The following PSD3 variants were observed in gnomAD, a reference collection of about 807,000 sequenced individuals.
The protein encoded by PSD3 is pleckstrin and Sec7 domain containing 3.
Under a neutral mutation model 105.5 loss-of-function variants are expected in PSD3, and 49 were observed. That is an observed-to-expected ratio of 0.46 (90% CI 0.37 to 0.59). PSD3 has a LOEUF of 0.59. Among genes scored for constraint, PSD3 ranks in the 20% least tolerant of loss-of-function variants. The pLI is 0.00. For synonymous variants in PSD3, 557 were observed against 457.8 expected, an observed-to-expected ratio of 1.22 and a Z score of -2.77; for missense variants, 1,561 against 1,263.8, an observed-to-expected ratio of 1.24 and a Z score of -3.57.
intron 9 of PSD3, among the ~76,000 whole-genome samples, chr8:18,752,528 A>ATATAT (rs1428157892): frequency 2.0e-5 from 1 of 49,408 alleles, no homozygotes; most frequent in African/African-American, 1.0e-4. Flanking sequence ...TAATATATAT[A>ATATAT]ATTATATATT....
intron 9 of PSD3, among the ~76,000 whole-genome samples, chr8:18,756,070 A>G (rs1031745722): frequency 1.3e-5 from 2 of 152,160 alleles, no homozygotes; most frequent in Non-Finnish European, 2.9e-5. Context: ...AAAAGCTTGC[A>G]AACCTAGCTT....
chr8:18,582,032 G>A (rs1327068576), intron 12 of PSD3, among the ~76,000 whole-genome samples: 1 of 152,022 alleles, frequency 6.6e-6, no homozygotes, highest in Non-Finnish European at 1.5e-5. Flanking sequence ...ACAAAGATAA[G>A]GACTTACTTT....
At chr8:18,923,978 G>T (rs1821199885) in intron 2 of PSD3, among the ~76,000 whole-genome samples, 1 of 149,622 alleles carries the variant, frequency 6.7e-6, no homozygotes, top group Non-Finnish European at 1.5e-5. Flanking sequence ...CAAAAACACT[G>T]AACAGACAGT....
Position 18,779,631 on chromosome 8 carries a change from T to C in PSD3, c.2083-14093A>G, listed in dbSNP as rs546754007. On this transcript the variant is annotated intron_variant, in intron 8 of 15. Transcript: ENST00000327040. ...TTGCTGTATCCCACATATTTTGATATGTTGTGTTCCCATTTTGATTTGTTT... is the reference window on the plus strand; with the variant it reads ...TTGCTGTATCCCACATATTTTGATACGTTGTGTTCCCATTTTGATTTGTTT... 2.6e-5 allele frequency among the ~76,000 whole-genome samples: 4 copies of C among 152,332 alleles called. No individual in the cohort carries two copies. In the South Asian group the frequency reaches 6.2e-4, roughly 24 times the overall value.
chr8:18,528,608 G>A lies in PSD3; in HGVS notation c.*7135C>T, dbSNP rs1177206453. 6.6e-6 allele frequency: 1 copy of A among 152,376 alleles called. No homozygotes were observed. Among genetic ancestry groups the A allele is most frequent in the African/African-American group, 2.4e-5 (1 of 41,458 alleles). The allele number at this position is 152,376 out of a possible 1,614,324, so 9.4% of individuals were successfully genotyped here. ...GCCGGGGGAGAGGTTCCTCTTTGCA[G>A]AGATGATGTGTTATCACCACTCTCT... On this transcript the variant is annotated 3_prime_UTR_variant, in exon 16 of 16. Coordinates refer to ENST00000327040, the MANE Select transcript of PSD3 (RefSeq NM_015310.4).
chr8:18,682,662 G>C (rs1184501164), intron 9 of PSD3, among the ~76,000 whole-genome samples: 1 of 152,162 alleles, frequency 6.6e-6, no homozygotes, highest in Non-Finnish European at 1.5e-5. Context: ...GGGTGAATAG[G>C]AAGCCAACAT....
chr8:18,782,355 T>C (rs529949025), intron 8 of PSD3, among the ~76,000 whole-genome samples: 7 of 152,274 alleles, frequency 4.6e-5, no homozygotes, highest in Admixed American at 3.3e-4. Context: ...GAGCTATCTA[T>C]AGAGTTGTTT....
intron 9 of PSD3, among the ~76,000 whole-genome samples, chr8:18,693,663 T>G (rs1178729724): frequency 2.0e-5 from 3 of 152,266 alleles, no homozygotes; most frequent in Admixed American, 2.0e-4. Flanking sequence ...CCTGTTGCAG[T>G]TGTGGTGGCA....
intron 9 of PSD3, among the ~76,000 whole-genome samples, chr8:18,748,467 T>C: frequency 6.6e-6 from 1 of 151,912 alleles, no homozygotes; most frequent in East Asian, 1.9e-4. Context: ...GAGACTATCC[T>C]GGCTAACACG....
At chr8:18,603,290 T>C (rs542910488) in intron 11 of PSD3, among the ~76,000 whole-genome samples, 8 of 152,338 alleles carry the variant, frequency 5.3e-5, no homozygotes, top group African/African-American at 1.9e-4. Context: ...GCTTTTCTTT[T>C]TTTTAATGCT....
chr8:18,592,655 A>C (rs1445744602), intron 12 of PSD3, among the ~76,000 whole-genome samples: 1 of 152,154 alleles, frequency 6.6e-6, no homozygotes, highest in African/African-American at 2.4e-5. Flanking sequence ...CCAGGGCCAG[A>C]AGTGACTGTG....
Position 19,061,710 on chromosome 8 carries a change from C to T in PSD3, c.324+22496G>A, listed in dbSNP as rs545131636. ...ATCCCAGCTACTCAGAAGTCTGAGG[C>T]AGGAGAATCGCTTGACCCCAGGAGG... On this transcript the variant is annotated intron_variant, in intron 1 of 1. Coordinates refer to the PSD3 transcript ENST00000521475. 4.6e-5 allele frequency among the ~76,000 whole-genome samples: 7 copies of T among 151,764 alleles called. No individual in the cohort carries two copies. The East Asian group carries it at 1.4e-3, about 29-fold the overall frequency.
chr8:18,976,226 A>G (rs1391635221), intron 1 of PSD3, among the ~76,000 whole-genome samples: 1 of 152,254 alleles, frequency 6.6e-6, no homozygotes, highest in African/African-American at 2.4e-5. Context: ...AAAATTATTA[A>G]AAATAAAACT....
intron 1 of PSD3, among the ~76,000 whole-genome samples, chr8:18,986,346 T>C (rs922524035): frequency 6.6e-6 from 1 of 152,208 alleles, no homozygotes; most frequent in Non-Finnish European, 1.5e-5. Context: ...ATTTTGCCTT[T>C]ACTGTCAAAT....
intron 1 of PSD3, among the ~76,000 whole-genome samples, chr8:18,989,837 A>G (rs2129473421): frequency 6.6e-6 from 1 of 152,320 alleles, no homozygotes; most frequent in South Asian, 2.1e-4. Context: ...TGCTAGAATC[A>G]ATGGTGAAGA....
chr8:18,770,391 T>G (rs1431852022), intron 8 of PSD3, among the ~76,000 whole-genome samples: 1 of 152,262 alleles, frequency 6.6e-6, no homozygotes. Context: ...ACATATGTAC[T>G]TTAAAAATAT....
At chr8:18,849,591 A>G (rs1815404728) in intron 4 of PSD3, 1 of 152,232 alleles carries the variant, frequency 6.6e-6, no homozygotes, top group Admixed American at 6.5e-5. Context: ...AACTATGGCA[A>G]CAGCATTCAT....
chr8:18,639,350 C>G (rs1807482902), intron 10 of PSD3, among the ~76,000 whole-genome samples: 1 of 151,956 alleles, frequency 6.6e-6, no homozygotes, highest in Non-Finnish European at 1.5e-5. Context: ...GTCTTACTTG[C>G]TTATGGAATG....
At chr8:19,060,674 G>A (rs764866962) in intron 1 of PSD3, among the ~76,000 whole-genome samples, 1 of 152,158 alleles carries the variant, frequency 6.6e-6, no homozygotes, top group African/African-American at 2.4e-5. Flanking sequence ...ATAGATCTTG[G>A]CAGTGTGAAA....
Sources: gnomAD v4.1 joint callset for allele counts (sites outside exome capture counted in the v4.1 genomes callset) on GRCh38, gnomAD v4.1.1 for gene constraint, MANE v1.5 for transcripts, NCBI Gene and HGNC (gene_info 2026-07-23, HGNC 2026-07-21) for gene names.